Variants in PEBP4 observed in about 807,000 individuals in gnomAD.
The protein encoded by PEBP4 is phosphatidylethanolamine binding protein 4.
In PEBP4, 22 loss-of-function variants were observed where a neutral mutation model predicts 23.9. That is an observed-to-expected ratio of 0.92 (90% CI 0.66 to 1.31). The LOEUF is 1.31. Ranked by LOEUF, PEBP4 falls within the 40% of genes most tolerant of loss-of-function variation. The probability of loss-of-function intolerance (pLI) is 0.00; values close to 1 mark genes in which losing one functional copy is unlikely to be tolerated. For synonymous variants in PEBP4, 112 were observed against 99.3 expected (o/e 1.13, Z -0.76); for missense variants, 324 against 281.7 (o/e 1.15, Z -1.07).
intron 3 of PEBP4, among the ~76,000 whole-genome samples, chr8:22,828,613 A>G (rs1234320235): frequency 6.6e-6 from 1 of 152,012 alleles, no homozygotes; most frequent in Non-Finnish European, 1.5e-5. Flanking sequence ...GGTTGGGTAG[A>G]CGCCATTGCA....
intron 2 of PEBP4, among the ~76,000 whole-genome samples, chr8:22,927,338 G>A (rs541394693): frequency 5.3e-5 from 8 of 152,226 alleles, no homozygotes; most frequent in Non-Finnish European, 8.8e-5. Context: ...AAGCAGAGCC[G>A]ACCACATACA....
chr8:22,778,581 C>T (rs2128754927), intron 4 of PEBP4, among the ~76,000 whole-genome samples: 1 of 152,236 alleles, frequency 6.6e-6, no homozygotes, highest in South Asian at 2.1e-4. Context: ...TCCTGCCTTC[C>T]TGTTGTCCCT....
intron 3 of PEBP4, among the ~76,000 whole-genome samples, chr8:22,827,172 T>C (rs905130898): frequency 2.6e-5 from 4 of 152,168 alleles, no homozygotes; most frequent in Non-Finnish European, 5.9e-5. Flanking sequence ...AGGATGATGA[T>C]GACATAGAAA....
intron 3 of PEBP4, among the ~76,000 whole-genome samples, chr8:22,866,054 G>C (rs530238630): frequency 2.0e-5 from 3 of 152,348 alleles, no homozygotes; most frequent in East Asian, 3.9e-4. Context: ...TCCCCTTTCA[G>C]AGCCAGAGAC....
intron 4 of PEBP4, among the ~76,000 whole-genome samples, chr8:22,791,198 G>C (rs1259871230): frequency 6.6e-6 from 1 of 152,150 alleles, no homozygotes; most frequent in Non-Finnish European, 1.5e-5. Flanking sequence ...AGGGGAAGGG[G>C]CTGCCATATC....
chr8:22,830,206 T>C (rs1192352915), intron 3 of PEBP4, among the ~76,000 whole-genome samples: 1 of 151,290 alleles, frequency 6.6e-6, no homozygotes, highest in African/African-American at 2.4e-5. Context: ...TTCGGCTAAC[T>C]GCAGTCTCCA....
intron 2 of PEBP4, among the ~76,000 whole-genome samples, chr8:22,926,738 TA>T (rs1261654445): frequency 6.6e-6 from 1 of 152,258 alleles, no homozygotes; most frequent in Non-Finnish European, 1.5e-5. Flanking sequence ...AAAAATGTTT[TA>T]AATAAAATTA....
chr8:22,826,098 A>G (rs1461258546), intron 3 of PEBP4, among the ~76,000 whole-genome samples: 1 of 152,246 alleles, frequency 6.6e-6, no homozygotes, highest in Non-Finnish European at 1.5e-5. Flanking sequence ...AGGAAATTCT[A>G]GAAAGCTTGG....
At chr8:22,924,085 A>C (rs1292571354) in intron 2 of PEBP4, among the ~76,000 whole-genome samples, 1 of 152,174 alleles carries the variant, frequency 6.6e-6, no homozygotes, top group Non-Finnish European at 1.5e-5. Flanking sequence ...ACAGCAAGCC[A>C]GGTATGGCAG....
chr8:22,810,736 A>AAG (rs1806607519), intron 4 of PEBP4, among the ~76,000 whole-genome samples: 3 of 127,454 alleles, frequency 2.4e-5, no homozygotes, highest in Non-Finnish European at 3.5e-5. Flanking sequence ...GAGAAAGAGA[A>AAG]AGAAAGAGTG....
chr8:22,860,534 A>C (rs1273469078), intron 3 of PEBP4, among the ~76,000 whole-genome samples: 1 of 152,166 alleles, frequency 6.6e-6, no homozygotes, highest in Non-Finnish European at 1.5e-5. Context: ...CTCAAGTTCC[A>C]TCCATGTAGT....
At chr8:22,832,238 T>A (rs12548355) in intron 3 of PEBP4, among the ~76,000 whole-genome samples, 92,726 of 152,020 alleles carry the variant, frequency 0.61, 28,833 homozygotes, top group East Asian at 0.87. Flanking sequence ...ACTTCCCAAG[T>A]TGATGGTGTT....
intron 3 of PEBP4, among the ~76,000 whole-genome samples, chr8:22,915,136 C>G (rs1029069252): frequency 1.3e-5 from 2 of 152,092 alleles, no homozygotes; most frequent in African/African-American, 4.8e-5. Context: ...TAAGCCCAGC[C>G]CATGGTCCAT....
chr8:22,933,454 A>G (rs1351706710), intron 1 of PEBP4, among the ~76,000 whole-genome samples: 3 of 152,246 alleles, frequency 2.0e-5, no homozygotes, highest in African/African-American at 7.2e-5. Flanking sequence ...AGGGATCCTC[A>G]ATAAAATTAT....
At chr8:22,738,412 A>C (rs538343213) in intron 4 of PEBP4, among the ~76,000 whole-genome samples, 14 of 152,292 alleles carry the variant, frequency 9.2e-5, no homozygotes, top group Admixed American at 7.8e-4. Context: ...AGCAAGTAGG[A>C]TGCCTCTGGC....
intron 5 of PEBP4, among the ~76,000 whole-genome samples, chr8:22,725,526 T>G (rs1253549729): frequency 6.6e-6 from 1 of 150,446 alleles, no homozygotes; most frequent in East Asian, 2.0e-4. Context: ...CCTCTCCCAG[T>G]CCTTCTCTCT....
At chr8:22,912,341 C>T (rs980662181) in intron 3 of PEBP4, among the ~76,000 whole-genome samples, 19 of 152,216 alleles carry the variant, frequency 1.2e-4, no homozygotes, top group Admixed American at 1.1e-3. Flanking sequence ...CCCTCACTAC[C>T]GGAACAGTAC....
At chr8:22,784,893 G>A (rs910961854) in intron 4 of PEBP4, among the ~76,000 whole-genome samples, 1 of 152,194 alleles carries the variant, frequency 6.6e-6, no homozygotes, top group African/African-American at 2.4e-5. Flanking sequence ...GAAAGGCAGC[G>A]AGCCGGAGGG....
intron 4 of PEBP4, among the ~76,000 whole-genome samples, chr8:22,796,442 T>C (rs1806262312): frequency 6.6e-6 from 1 of 152,200 alleles, no homozygotes; most frequent in African/African-American, 2.4e-5. Flanking sequence ...TTGAGCGGAA[T>C]TGTCTCTTAC....
Sources: allele counts gnomAD v4.1 joint callset (sites outside exome capture counted in the v4.1 genomes callset), GRCh38; gene constraint gnomAD v4.1.1; transcripts MANE v1.5; gene names NCBI Gene and HGNC (gene_info 2026-07-23, HGNC 2026-07-21).